PDS5A: variants seen among roughly 807,000 people sequenced by gnomAD.
PDS5A encodes the protein PDS5 cohesin associated factor A, also known as sister chromatid cohesion protein PDS5 homolog A.
In PDS5A, 42 loss-of-function variants were observed where a neutral mutation model predicts 167.1. The observed-to-expected ratio is 0.25, with a 90% CI of 0.20 to 0.33. The LOEUF (loss-of-function observed/expected upper bound fraction) is 0.33. Among genes scored for constraint, PDS5A ranks in the 10% least tolerant of loss-of-function variants. PDS5A has a pLI of 1.00. For synonymous variants in PDS5A, 553 were observed against 554.6 expected (o/e 1.00, Z 0.04); for missense variants, 1,033 against 1,605.9 (o/e 0.64, Z 6.10).
At position 39,823,853 on chromosome 4, in the gene PDS5A, C is replaced by A. The variant is rs1288462307; in HGVS notation, c.*1632G>T. 6.6e-6 allele frequency: 1 copy of A among 152,592 alleles called. No individual in the cohort carries two copies. Among genetic ancestry groups the A allele is most frequent in the Non-Finnish European group, 1.5e-5 (1 of 68,046 alleles). 9.5% of individuals were successfully genotyped at this position (152,592 alleles called of 1,614,324 possible). ...AATTACCCATCTTTCAGTCAATACA[C>A]AGCCAACTCTTGATTATCTATGAGA... On this transcript the variant is annotated 3_prime_UTR_variant, in exon 33 of 33. Coordinates refer to ENST00000303538, the MANE Select transcript of PDS5A (RefSeq NM_001100399.2).
intron 31 of PDS5A, 126 bp from the exon 32 acceptor site, chr4:39,838,334 C>CTTTCCTA: frequency 1.5e-6 from 1 of 684,078 alleles, no homozygotes; most frequent in Non-Finnish European, 2.4e-6. Context: ...TAACTGCTTA[C>CTTTCCTA]ATCACATTAG....
chr4:39,841,837 G>A, intron 31 of PDS5A, 111 bp downstream of exon 31: 1 of 646,382 alleles, frequency 1.5e-6, no homozygotes. Flanking sequence ...ATACACACAA[G>A]TTTAAAATGT....
intron 2 of PDS5A, among the ~76,000 whole-genome samples, chr4:39,942,176 C>T (rs1375840141): frequency 1.3e-5 from 2 of 151,998 alleles, no homozygotes; most frequent in African/African-American, 2.4e-5. Flanking sequence ...GCCTTTTCCA[C>T]GTCTATACTT....
At chr4:39,908,591 C>A in intron 10 of PDS5A, 51 bp from the exon 11 acceptor site, 1 of 1,182,016 alleles carries the variant, frequency 8.5e-7, no homozygotes, top group Non-Finnish European at 1.2e-6. Flanking sequence ...TGTAATTTGT[C>A]ATGATTTAGA....
intron 17 of PDS5A, among the ~76,000 whole-genome samples, chr4:39,883,670 C>T (rs575435900): frequency 6.6e-6 from 1 of 152,224 alleles, no homozygotes; most frequent in South Asian, 2.1e-4. Flanking sequence ...CAGTCTCATT[C>T]TGTTGCCCAG....
intron 2 of PDS5A, among the ~76,000 whole-genome samples, chr4:39,962,507 C>T (rs1052568794): frequency 1.3e-5 from 2 of 151,922 alleles, no homozygotes; most frequent in South Asian, 2.1e-4. Context: ...TATTTGACTG[C>T]AAATTAAAAG....
At position 39,922,760 on chromosome 4, in the gene PDS5A, A is replaced by G; in HGVS notation, c.528-12T>C. On this transcript the variant is annotated splice_polypyrimidine_tract_variant and intron_variant, in intron 5 of 32. Transcript: ENST00000303538. ...TATTGTGGCTATTGCTATAAAAAAA[A>G]AAAAAAAAGAATAAGTAGTAGGAGG... 6.8e-7 allele frequency: 1 copy of G among 1,477,548 alleles called. No individual in the cohort carries two copies. The highest frequency in any genetic ancestry group is 9.0e-7 in the Non-Finnish European group (1 of 1,113,346). 91.5% of individuals were successfully genotyped at this position (1,477,548 alleles called of 1,614,324 possible).
intron 2 of PDS5A, among the ~76,000 whole-genome samples, chr4:39,952,821 C>T (rs749887435): frequency 1.3e-5 from 2 of 151,602 alleles, no homozygotes; most frequent in African/African-American, 2.4e-5. Context: ...CTCTGCCTCC[C>T]GGGTTCAAAT....
chr4:39,884,920 G>A (rs544223826), intron 17 of PDS5A, among the ~76,000 whole-genome samples: 15 of 152,154 alleles, frequency 9.9e-5, no homozygotes, highest in African/African-American at 3.6e-4. Context: ...TGTATAGGGG[G>A]GAAATTGATT....
intron 2 of PDS5A, chr4:39,932,504 G>T (rs1726171650): frequency 4.4e-6 from 1 of 227,824 alleles, no homozygotes; most frequent in Admixed American, 4.2e-5. Context: ...CTGATGCCAT[G>T]TATGTCAAAC....
At chr4:39,836,091 C>G (rs1716357225) in intron 32 of PDS5A, among the ~76,000 whole-genome samples, 1 of 152,178 alleles carries the variant, frequency 6.6e-6, no homozygotes, top group Non-Finnish European at 1.5e-5. Flanking sequence ...TTATTTTGTA[C>G]TAGGCACTTT....
At chr4:39,913,480 A>T (rs1724076763) in intron 9 of PDS5A, 131 bp downstream of exon 9, 1 of 583,506 alleles carries the variant, frequency 1.7e-6, no homozygotes, top group Non-Finnish European at 3.1e-6. Context: ...CATAAGAAGG[A>T]TGGAAACACA....
At chr4:39,922,579 G>T in intron 6 of PDS5A, 43 bp downstream of exon 6, 2 of 1,455,954 alleles carry the variant, frequency 1.4e-6, no homozygotes, top group South Asian at 1.6e-5. Context: ...TGTGTGGCGT[G>T]ACTGTTAAAC....
chr4:39,841,840 TAA>T, intron 31 of PDS5A, 106 bp downstream of exon 31: 1 of 650,540 alleles, frequency 1.5e-6, no homozygotes, highest in Non-Finnish European at 2.8e-6. Context: ...CACACAAGTT[TAA>T]AATGTAGCAT....
chr4:39,939,707 G>C (rs530014552), intron 2 of PDS5A, among the ~76,000 whole-genome samples: 128 of 152,128 alleles, frequency 8.4e-4, no homozygotes, highest in African/African-American at 2.9e-3. Context: ...TGAAGCAGGA[G>C]AATCACTTGA....
At chr4:39,926,688 C>T in intron 4 of PDS5A, 87 bp downstream of exon 4, 2 of 894,326 alleles carry the variant, frequency 2.2e-6, no homozygotes, top group East Asian at 3.4e-5. Flanking sequence ...ATAAAATAAA[C>T]ACTCATTTTA....
chr4:39,927,142 C>T (rs1171923767), intron 3 of PDS5A, among the ~76,000 whole-genome samples: 1 of 152,186 alleles, frequency 6.6e-6, no homozygotes, highest in Non-Finnish European at 1.5e-5. Flanking sequence ...CTTCTACTAT[C>T]GTGCTTTCAC....
chr4:39,936,812 A>G (rs1395272826), intron 2 of PDS5A: 1 of 152,196 alleles, frequency 6.6e-6, no homozygotes, highest in Non-Finnish European at 1.5e-5. Flanking sequence ...AGCCTGCTCG[A>G]TCTTGGATGG....
intron 23 of PDS5A, among the ~76,000 whole-genome samples, chr4:39,865,160 G>GAGGTA (rs1396690850): frequency 6.6e-6 from 1 of 152,064 alleles, no homozygotes; most frequent in East Asian, 1.9e-4. Context: ...GTAATGAAAA[G>GAGGTA]AGGTATTGAT....
Sources: gnomAD v4.1 joint callset for allele counts (sites outside exome capture counted in the v4.1 genomes callset) on GRCh38, gnomAD v4.1.1 for gene constraint, MANE v1.5 for transcripts, NCBI Gene and HGNC (gene_info 2026-07-23, HGNC 2026-07-21) for gene names.